PCDHGB2: variants seen among roughly 807,000 people sequenced by gnomAD.
The protein encoded by PCDHGB2 is protocadherin gamma subfamily B, 2, also known as protocadherin gamma-B2.
PCDHGB2 carries 55 observed loss-of-function variants against 59.3 expected under a neutral mutation model. That is an observed-to-expected ratio of 0.93 (90% CI 0.75 to 1.16). The LOEUF is 1.16. PCDHGB2 is among the 50% of genes most tolerant of loss of function. The pLI, the probability that PCDHGB2 is intolerant of heterozygous loss-of-function variation, is 0.00. For missense variants in PCDHGB2, 1,228 were observed against 1,198.5 expected, an observed-to-expected ratio of 1.02 and a Z score of -0.36; for synonymous variants, 516 against 512.0, an observed-to-expected ratio of 1.01 and a Z score of -0.11.
rs369595307 is a variant in PCDHGB2, at chr5:141,394,005, A to G, written c.2421+31449A>G. On this transcript the variant is annotated intron_variant, in intron 1 of 3. Coordinates refer to ENST00000522605, the MANE Select transcript of PCDHGB2 (RefSeq NM_018923.3). ...TTTACCTTTTAAATTAGAAAAGTCA[A>G]TAGGTAATTATTATAGATTAGTGAC... 52 of 1,613,340 alleles carry G rather than the reference A, an allele frequency of 3.2e-5. No individual in the cohort carries two copies. In the African/African-American group the frequency reaches 5.6e-4, roughly 17 times the overall value.
chr5:141,386,174 A>G (rs2090487407), intron 1 of PCDHGB2, among the ~76,000 whole-genome samples: 1 of 152,240 alleles, frequency 6.6e-6, no homozygotes, highest in South Asian at 2.1e-4. Flanking sequence ...ACCTTAGACC[A>G]TCTTATGTAC....
intron 1 of PCDHGB2, chr5:141,389,880 T>C: frequency 6.2e-7 from 1 of 1,614,080 alleles, no homozygotes; most frequent in Non-Finnish European, 8.5e-7. Flanking sequence ...CGCCGACAGC[T>C]TGCAGGAGGT....
rs748457785 is a variant in PCDHGB2 at position 141,489,197 on chromosome 5, A to G, written c.2422-5610A>G. On this transcript the variant is annotated intron_variant, in intron 1 of 3. Coordinates refer to ENST00000522605, the MANE Select transcript of PCDHGB2 (RefSeq NM_018923.3). This position sits in a 1 kb window ranked among gnomAD's most constrained non-coding sequence, Gnocchi z 4.5. ...TCCAAGCCCTGGGTCTACCTTGGAG[A>G]CAGGACAGCACAGACTTACTCTCCA... 7 of 1,391,050 alleles carry G rather than the reference A, an allele frequency of 5.0e-6. No individual in the cohort carries two copies. Among genetic ancestry groups the G allele is most frequent in the African/African-American group, 2.9e-5 (2 of 69,150 alleles). 86.2% of individuals were successfully genotyped at this position (1,391,050 alleles called of 1,614,324 possible).
intron 1 of PCDHGB2, chr5:141,376,580 C>G (rs1351878933): frequency 1.3e-6 from 2 of 1,589,974 alleles, no homozygotes; most frequent in South Asian, 1.1e-5. Flanking sequence ...ACAGGCTCAT[C>G]AGCTAGATCG....
At chr5:141,500,728 T>C (rs556463739) in intron 2 of PCDHGB2, among the ~76,000 whole-genome samples, 1 of 152,310 alleles carries the variant, frequency 6.6e-6, no homozygotes, top group South Asian at 2.1e-4. Context: ...CCCATGTCTT[T>C]CAAAATTCTT....
At chr5:141,433,321 G>T in intron 1 of PCDHGB2, 1 of 788,106 alleles carries the variant, frequency 1.3e-6, no homozygotes. Flanking sequence ...TGCCTCCGGT[G>T]TAACAGGGAC....
chr5:141,495,817 T>G (rs2099764054), intron 2 of PCDHGB2, among the ~76,000 whole-genome samples: 1 of 152,110 alleles, frequency 6.6e-6, no homozygotes, highest in African/African-American at 2.4e-5. Context: ...TAGCGCCTTG[T>G]GTTCTTCTAT....
At chr5:141,424,901 C>G (rs2096846997) in intron 1 of PCDHGB2, among the ~76,000 whole-genome samples, 1 of 152,134 alleles carries the variant, frequency 6.6e-6, no homozygotes, top group African/African-American at 2.4e-5. Context: ...TTTTTGATCA[C>G]AGGAATCATT....
rs200312693 is a variant in PCDHGB2 at position 141,364,360 on chromosome 5, C to T, written c.2421+1804C>T. 1.5e-3 allele frequency: 2,261 copies of T among 1,558,460 alleles called. 3 individuals carry two copies. The highest frequency in any genetic ancestry group is 1.8e-3 in the Non-Finnish European group (2,074 of 1,154,776). On this transcript the variant is annotated intron_variant, in intron 1 of 3. Transcript: ENST00000522605. ...CGAGTCCACCTAGGGGCTGGGGCTG[C>T]GGAGAGCTGCTGCTGCCCTTCATGC...
Position 141,431,535 on chromosome 5 carries a change from C to T in PCDHGB2, c.2422-63272C>T. On this transcript the variant is annotated intron_variant, in intron 1 of 3. Coordinates refer to ENST00000522605, the MANE Select transcript of PCDHGB2 (RefSeq NM_018923.3). This position sits in a 1 kb window ranked among gnomAD's most constrained non-coding sequence, Gnocchi z 4.8. ...GTTCCGGAGAATCTGGCCTTGGGCA[C>T]GCAGCTGCTTGTAGTCAACGCTACC... is the stretch of plus-strand genomic sequence containing the variant. 3 of 1,614,076 alleles carry T rather than the reference C, an allele frequency of 1.9e-6. No individual in the cohort carries two copies. Among genetic ancestry groups the T allele is most frequent in the Non-Finnish European group, 2.5e-6 (3 of 1,180,038 alleles).
chr5:141,458,514 T>G (rs1338106276), intron 1 of PCDHGB2, among the ~76,000 whole-genome samples: 1 of 129,036 alleles, frequency 7.7e-6, no homozygotes, highest in African/African-American at 3.6e-5. Context: ...TGACACTTTG[T>G]TTTTTTTTTT....
At position 141,432,156 on chromosome 5, in the gene PCDHGB2, C is replaced by A; in HGVS notation, c.2422-62651C>A. On this transcript the variant is annotated intron_variant, in intron 1 of 3. Transcript: ENST00000522605. This position sits in a 1 kb window ranked among gnomAD's most constrained non-coding sequence, Gnocchi z 6.0. Reference sequence around the variant, plus strand: ...TCCGCTTATATCCCAGAGAACAATCCCAGAGGAGTTTCCCTCGTCTCTGTG... The same window carrying A: ...TCCGCTTATATCCCAGAGAACAATCACAGAGGAGTTTCCCTCGTCTCTGTG... The A allele has an allele frequency of 6.2e-7, 1 of 1,614,142 alleles. No homozygotes were observed. Among genetic ancestry groups the A allele is most frequent in the East Asian group, 2.2e-5 (1 of 44,874 alleles).
At chr5:141,385,426 T>G (rs1781187652) in intron 1 of PCDHGB2, 1 of 1,460,770 alleles carries the variant, frequency 6.8e-7, no homozygotes. Flanking sequence ...TTAAAAAACT[T>G]TATAGAGGTA....
chr5:141,394,496 G>T (rs779718881), intron 1 of PCDHGB2: 5 of 1,614,118 alleles, frequency 3.1e-6, no homozygotes, highest in Middle Eastern at 1.6e-4. Context: ...ACGCGCCCGA[G>T]ATCCTGTACC....
chr5:141,413,139 C>A, intron 1 of PCDHGB2: 1 of 1,553,028 alleles, frequency 6.4e-7, no homozygotes. Context: ...ACAACGTGTC[C>A]AGTGAGGACT....
intron 1 of PCDHGB2, among the ~76,000 whole-genome samples, chr5:141,445,415 C>A (rs1235584061): frequency 6.6e-6 from 1 of 152,140 alleles, no homozygotes; most frequent in Non-Finnish European, 1.5e-5. Context: ...TAACTGTCTG[C>A]TATATGCAAG....
At position 141,371,244 on chromosome 5, in the gene PCDHGB2, A is replaced by T. The variant is rs1767599935; in HGVS notation, c.2421+8688A>T. ...CGAAATCATCTATGCCTTCATCAATATTGGCAAGGAAGTGAGACAACTGTT... is the reference window on the plus strand; with the variant it reads ...CGAAATCATCTATGCCTTCATCAATTTTGGCAAGGAAGTGAGACAACTGTT... On this transcript the variant is annotated intron_variant, in intron 1 of 3. Transcript: ENST00000522605. 1.9e-6 allele frequency: 3 copies of T among 1,614,038 alleles called. No individual in the cohort carries two copies. Among genetic ancestry groups the T allele is most frequent in the Non-Finnish European group, 2.5e-6 (3 of 1,179,908 alleles).
chr5:141,422,877 C>A, intron 1 of PCDHGB2: 1 of 1,614,246 alleles, frequency 6.2e-7, no homozygotes. Context: ...TGTCGCTGAG[C>A]CTGTTCGTGC....
Position 141,464,191 on chromosome 5 carries a change from G to C in PCDHGB2, c.2422-30616G>C, listed in dbSNP as rs185888723. Among the ~76,000 whole-genome samples, 583 of 151,818 alleles carry C rather than the reference G, an allele frequency of 3.8e-3. 6 individuals are homozygous for C. Among genetic ancestry groups the C allele is most frequent in the Admixed American group, 0.011 (166 of 15,202 alleles). On this transcript the variant is annotated intron_variant, in intron 1 of 3. Transcript: ENST00000522605. ...GAGGCAGGAGAATTGCTTGATTTCA[G>C]GAGGCGGAGATTGCAGTGAGCTGAG...
Sources: allele counts gnomAD v4.1 joint callset (sites outside exome capture counted in the v4.1 genomes callset), GRCh38; gene constraint gnomAD v4.1.1; non-coding constraint Gnocchi (gnomAD v3.1); transcripts MANE v1.5; gene names NCBI Gene and HGNC (gene_info 2026-07-23, HGNC 2026-07-21).